The following ST7 variants were observed in gnomAD, a reference collection of about 807,000 sequenced individuals.
ST7 encodes suppression of tumorigenicity 7, also known as suppressor of tumorigenicity 7 protein.
Under a neutral mutation model 78.7 loss-of-function variants are expected in ST7, and 28 were observed. That is an observed-to-expected ratio of 0.36 (90% CI 0.26 to 0.49). The LOEUF is 0.49. Ranked by LOEUF, ST7 falls within the 20% of genes least tolerant of loss-of-function variation. The pLI, the probability that ST7 is intolerant of heterozygous loss-of-function variation, is 0.99. For synonymous variants in ST7, 247 were observed against 249.6 expected (o/e 0.99, Z 0.10); for missense variants, 418 against 696.0 (o/e 0.60, Z 4.49).
intron 1 of ST7, among the ~76,000 whole-genome samples, chr7:117,095,897 G>A (rs543161745): frequency 3.3e-5 from 5 of 151,422 alleles, no homozygotes; most frequent in East Asian, 2.0e-4. Context: ...GTGAACCCCC[G>A]TCTCTACTAA....
chr7:117,048,181 A>G (rs941311020), intron 1 of ST7, among the ~76,000 whole-genome samples: 5 of 152,062 alleles, frequency 3.3e-5, no homozygotes, highest in Admixed American at 2.6e-4. Context: ...GAAAAGGAGG[A>G]GTTGATCTTG....
At chr7:117,127,263 A>T (rs1170059226) in intron 3 of ST7, among the ~76,000 whole-genome samples, 1 of 151,896 alleles carries the variant, frequency 6.6e-6, no homozygotes, top group Non-Finnish European at 1.5e-5. Flanking sequence ...CCTGACTTAA[A>T]TCTTCATATT....
At chr7:117,002,461 A>G (rs942147458) in intron 1 of ST7, among the ~76,000 whole-genome samples, 3 of 152,042 alleles carry the variant, frequency 2.0e-5, no homozygotes, top group Admixed American at 6.5e-5. Flanking sequence ...ACTAAGACCC[A>G]TTATTTTAGG....
intron 9 of ST7, among the ~76,000 whole-genome samples, chr7:117,155,343 A>T (rs1806603316): frequency 1.3e-5 from 2 of 152,202 alleles, no homozygotes; most frequent in African/African-American, 4.8e-5. Flanking sequence ...AGGGCTTTGT[A>T]GTTGTGTAAG....
At chr7:116,969,024 A>G (rs1333539146) in intron 1 of ST7, among the ~76,000 whole-genome samples, 1 of 152,270 alleles carries the variant, frequency 6.6e-6, no homozygotes, top group East Asian at 1.9e-4. Flanking sequence ...TAGTGGGGTG[A>G]CCCATCATCC....
chr7:117,216,947 A>AACC (rs776434562), intron 13 of ST7, among the ~76,000 whole-genome samples: 196 of 152,186 alleles, frequency 1.3e-3, no homozygotes, highest in Non-Finnish European at 2.2e-3. Context: ...ACCTCTCCAA[A>AACC]AAAGACCAGA....
At chr7:117,077,146 C>T (rs944085365) in intron 1 of ST7, among the ~76,000 whole-genome samples, 30 of 152,154 alleles carry the variant, frequency 2.0e-4, no homozygotes, top group Non-Finnish European at 3.4e-4. Context: ...CACTTCTCTG[C>T]GATGTCCAGC....
Position 117,099,759 on chromosome 7 carries a change from C to T in ST7, c.152-3C>T, listed in dbSNP as rs1801425476. ...CTCCCTTTCTCTCTCTTTTCTTTTT[C>T]AGTGAGCATGTTTTTGAACACATTA... On this transcript the variant is annotated splice_polypyrimidine_tract_variant and splice_region_variant and intron_variant, in intron 1 of 15. Transcript: ENST00000323984. 1 of 1,609,570 alleles carries T rather than the reference C, an allele frequency of 6.2e-7. No individual in the cohort carries two copies. Among genetic ancestry groups the T allele is most frequent in the African/African-American group, 1.3e-5 (1 of 74,772 alleles).
intron 1 of ST7, among the ~76,000 whole-genome samples, chr7:117,063,817 A>G (rs1279843866): frequency 4.6e-5 from 7 of 152,232 alleles, no homozygotes; most frequent in Admixed American, 4.6e-4. Context: ...ATTTTTAAAA[A>G]CATACACTAA....
chr7:116,992,549 C>T (rs965696974), intron 1 of ST7, among the ~76,000 whole-genome samples: 4 of 152,224 alleles, frequency 2.6e-5, no homozygotes, highest in African/African-American at 9.6e-5. Flanking sequence ...GACCCTGGCC[C>T]CTGCCCATGA....
At chr7:117,123,832 G>A (rs892905432) in intron 3 of ST7, among the ~76,000 whole-genome samples, 1 of 152,086 alleles carries the variant, frequency 6.6e-6, no homozygotes, top group East Asian at 1.9e-4. Flanking sequence ...TGGGAAAAGT[G>A]GAGAGTGCTC....
At chr7:117,053,327 C>T (rs1797887101) in intron 1 of ST7, among the ~76,000 whole-genome samples, 1 of 152,232 alleles carries the variant, frequency 6.6e-6, no homozygotes, top group African/African-American at 2.4e-5. Context: ...TCCGGGCTCT[C>T]AACTCTTACA....
intron 1 of ST7, among the ~76,000 whole-genome samples, chr7:116,970,658 G>T (rs1585064342): frequency 6.6e-6 from 1 of 152,294 alleles, no homozygotes; most frequent in East Asian, 1.9e-4. Flanking sequence ...TGGGGATTAG[G>T]CTTCAATGTA....
chr7:117,031,018 A>G (rs1245777247), intron 1 of ST7, among the ~76,000 whole-genome samples: 1 of 152,158 alleles, frequency 6.6e-6, no homozygotes, highest in Admixed American at 6.5e-5. Context: ...AAAAAAGAAC[A>G]AGATCATGTC....
intron 10 of ST7, among the ~76,000 whole-genome samples, chr7:117,172,768 A>G (rs1313647899): frequency 6.6e-6 from 1 of 152,210 alleles, no homozygotes; most frequent in African/African-American, 2.4e-5. Context: ...GTAGCCATCA[A>G]TGCCATAGCA....
rs142310586 is a variant in ST7 at position 117,138,563 on chromosome 7, G to A, written c.963+31G>A. 9.0e-3 allele frequency: 13,556 copies of A among 1,509,058 alleles called. 68 individuals carry two copies. Among genetic ancestry groups the A allele is most frequent in the Non-Finnish European group, 0.011 (11,966 of 1,101,820 alleles). 93.5% of individuals were successfully genotyped at this position (1,509,058 alleles called of 1,614,324 possible). A position where few individuals can be genotyped will look rare whatever the true frequency, so the allele number is the denominator to read the frequency against. On this transcript the variant is annotated intron_variant, in intron 9 of 15. Transcript: ENST00000323984. Reference sequence around the variant, plus strand: ...TTTGAGTTTGTGTTTGGGATCAGTGGCTTACAGATATAGGAGCCCGCTGAA... The same window carrying A: ...TTTGAGTTTGTGTTTGGGATCAGTGACTTACAGATATAGGAGCCCGCTGAA...
At chr7:117,032,465 C>T (rs560025631) in intron 1 of ST7, among the ~76,000 whole-genome samples, 2 of 152,110 alleles carry the variant, frequency 1.3e-5, no homozygotes, top group African/African-American at 2.4e-5. Context: ...GTTGAGTTAT[C>T]GACCTTTTTG....
intron 1 of ST7, among the ~76,000 whole-genome samples, chr7:116,974,897 G>A (rs1232273896): frequency 1.3e-5 from 2 of 152,222 alleles, no homozygotes; most frequent in Non-Finnish European, 2.9e-5. Flanking sequence ...TCCTGCAAGT[G>A]CAGGTTCAGT....
intron 1 of ST7, among the ~76,000 whole-genome samples, chr7:117,039,830 C>G (rs1797111986): frequency 6.6e-6 from 1 of 152,136 alleles, no homozygotes; most frequent in African/African-American, 2.4e-5. Flanking sequence ...GACTTGAACT[C>G]ATTCTGGGCC....
Sources: allele counts gnomAD v4.1 joint callset (sites outside exome capture counted in the v4.1 genomes callset), GRCh38; gene constraint gnomAD v4.1.1; transcripts MANE v1.5; gene names NCBI Gene and HGNC (gene_info 2026-07-23, HGNC 2026-07-21).